The following FRMD5 variants were observed in gnomAD, a reference collection of about 807,000 sequenced individuals.
FRMD5 encodes FERM domain containing 5.
FRMD5 carries 20 observed loss-of-function variants against 69.0 expected under a neutral mutation model. The observed-to-expected ratio is 0.29, with a 90% CI of 0.20 to 0.42. The LOEUF (loss-of-function observed/expected upper bound fraction) is 0.42. Ranked by LOEUF, FRMD5 falls within the 10% of genes least tolerant of loss-of-function variation. The probability of loss-of-function intolerance (pLI) is 1.00; values close to 1 mark genes in which losing one functional copy is unlikely to be tolerated. For missense variants in FRMD5, 595 were observed against 708.6 expected (o/e 0.84, Z 1.82); for synonymous variants, 271 against 260.1 (o/e 1.04, Z -0.40).
intron 1 of FRMD5, among the ~76,000 whole-genome samples, chr15:43,936,953 T>C (rs2140477670): frequency 6.6e-6 from 1 of 152,182 alleles, no homozygotes; most frequent in Admixed American, 6.5e-5. Context: ...AAAAGCTCAA[T>C]GCTGGAAAAA....
intron 1 of FRMD5, among the ~76,000 whole-genome samples, chr15:44,069,521 CATTAATCT>C (rs1893445177): frequency 6.6e-6 from 1 of 151,976 alleles, no homozygotes; most frequent in African/African-American, 2.4e-5. Flanking sequence ...CAACAACCTA[CATTAATCT>C]TCAGGAAATT....
chr15:43,886,970 G>C (rs2088678534), intron 10 of FRMD5, among the ~76,000 whole-genome samples: 1 of 151,292 alleles, frequency 6.6e-6, no homozygotes, highest in Non-Finnish European at 1.5e-5. Context: ...TGGGTGGGTA[G>C]GGAGATCTAC....
intron 1 of FRMD5, among the ~76,000 whole-genome samples, chr15:44,190,953 C>G (rs2078182693): frequency 1.3e-5 from 2 of 152,194 alleles, no homozygotes; most frequent in Non-Finnish European, 2.9e-5. Flanking sequence ...TTTGTTCTCT[C>G]CCTCCCTCTC....
chr15:43,992,576 C>T (rs1377524225), intron 1 of FRMD5, among the ~76,000 whole-genome samples: 1 of 152,120 alleles, frequency 6.6e-6, no homozygotes, highest in Non-Finnish European at 1.5e-5. Context: ...CAGGGTTTCA[C>T]CACATTGGCC....
chr15:44,115,853 A>C (rs2140617709), intron 1 of FRMD5, among the ~76,000 whole-genome samples: 1 of 152,320 alleles, frequency 6.6e-6, no homozygotes, highest in East Asian at 1.9e-4. Flanking sequence ...CGTAGAGTCA[A>C]TTGAATAAGG....
chr15:43,928,546 G>A (rs924557732), intron 1 of FRMD5, among the ~76,000 whole-genome samples: 1 of 152,194 alleles, frequency 6.6e-6, no homozygotes, highest in African/African-American at 2.4e-5. Flanking sequence ...AACGGCAGGG[G>A]CAAGATTTTA....
chr15:44,083,012 A>T (rs1302377735), intron 1 of FRMD5, among the ~76,000 whole-genome samples: 1 of 151,960 alleles, frequency 6.6e-6, no homozygotes, highest in Non-Finnish European at 1.5e-5. Context: ...TTTGTGCTGA[A>T]AATACTCTGT....
chr15:43,974,754 C>G (rs1262865738), intron 1 of FRMD5, among the ~76,000 whole-genome samples: 1 of 152,226 alleles, frequency 6.6e-6, no homozygotes, highest in African/African-American at 2.4e-5. Flanking sequence ...AGCTCTCTGA[C>G]TTAGACATCA....
Position 44,130,139 on chromosome 15 carries a change from C to T in FRMD5, c.102+64814G>A, listed in dbSNP as rs574375405. Among the ~76,000 whole-genome samples, 33 of 152,316 alleles carry T rather than the reference C, an allele frequency of 2.2e-4. No individual in the cohort carries two copies. The South Asian group carries it at 5.4e-3, about 25-fold the overall frequency. On this transcript the variant is annotated intron_variant, in intron 1 of 13. Transcript: ENST00000417257. The stretch of plus-strand genomic sequence containing the variant: ...GCACTAATACTATAACCACCCTCTC[C>T]CCTCTAAACCCATCATGCTTCAGCA...
chr15:43,959,047 C>G (rs977163368), intron 1 of FRMD5, among the ~76,000 whole-genome samples: 1 of 152,220 alleles, frequency 6.6e-6, no homozygotes, highest in African/African-American at 2.4e-5. Flanking sequence ...AACACAAAGA[C>G]TAAACTTCCC....
chr15:43,904,395 G>T (rs1476224882), intron 6 of FRMD5, among the ~76,000 whole-genome samples: 1 of 151,954 alleles, frequency 6.6e-6, no homozygotes, highest in East Asian at 1.9e-4. Context: ...TTGAGACAGG[G>T]TCTCGCTCTG....
At chr15:44,028,282 T>C (rs774082395) in intron 1 of FRMD5, among the ~76,000 whole-genome samples, 5 of 152,190 alleles carry the variant, frequency 3.3e-5, no homozygotes, top group African/African-American at 4.8e-5. Context: ...ACTGCCATGC[T>C]AGGTCTATGG....
At chr15:43,910,452 G>T (rs1480104658) in intron 4 of FRMD5, among the ~76,000 whole-genome samples, 1 of 151,962 alleles carries the variant, frequency 6.6e-6, no homozygotes, top group African/African-American at 2.4e-5. Context: ...CTGTCCATAT[G>T]TGGAAACAGC....
At chr15:44,074,472 G>GA (rs1595695514) in intron 1 of FRMD5, among the ~76,000 whole-genome samples, 1 of 150,708 alleles carries the variant, frequency 6.6e-6, no homozygotes, top group African/African-American at 2.4e-5. Context: ...TTTGGCAGGA[G>GA]AAAAAATGGA....
intron 4 of FRMD5, among the ~76,000 whole-genome samples, chr15:43,918,023 T>C (rs1418054351): frequency 2.0e-5 from 3 of 152,270 alleles, no homozygotes; most frequent in Non-Finnish European, 4.4e-5. Context: ...TTGTTGCCTT[T>C]GTACTGATAA....
rs978949200 is a variant in FRMD5 at position 44,063,594 on chromosome 15, G to A, written c.102+131359C>T. ...GGGCTGCTTTTAACTCTGGCAAAGT[G>A]GATATTGTTGCCATCAATGATCCCT... On this transcript the variant is annotated intron_variant, in intron 1 of 13. Transcript: ENST00000417257. 5 of 524,520 alleles carry A rather than the reference G, an allele frequency of 9.5e-6. No individual in the cohort carries two copies. The African/African-American group carries it at 9.7e-5, about 10-fold the overall frequency. 32.5% of individuals were successfully genotyped at this position (524,520 alleles called of 1,614,324 possible). A position where few individuals can be genotyped will look rare whatever the true frequency, so the allele number is the denominator to read the frequency against.
chr15:44,169,614 T>C (rs2077766542), intron 1 of FRMD5, among the ~76,000 whole-genome samples: 1 of 152,080 alleles, frequency 6.6e-6, no homozygotes, highest in African/African-American at 2.4e-5. Flanking sequence ...TGGGGTCAGG[T>C]TTTATATGGG....
chr15:43,910,751 G>A (rs563778155), intron 4 of FRMD5, among the ~76,000 whole-genome samples: 1 of 152,150 alleles, frequency 6.6e-6, no homozygotes, highest in African/African-American at 2.4e-5. Context: ...GAGCACTTAC[G>A]ATCTGCCAGT....
chr15:44,079,682 C>A (rs1274939718), intron 1 of FRMD5, among the ~76,000 whole-genome samples: 2 of 152,066 alleles, frequency 1.3e-5, no homozygotes, highest in Non-Finnish European at 2.9e-5. Context: ...CAGTATTATT[C>A]ACAATAGGCA....
Sources: allele counts gnomAD v4.1 joint callset (sites outside exome capture counted in the v4.1 genomes callset), GRCh38; gene constraint gnomAD v4.1.1; transcripts MANE v1.5; gene names NCBI Gene and HGNC (gene_info 2026-07-23, HGNC 2026-07-21).